The following SHISA5 variants were observed in gnomAD, a reference collection of about 807,000 sequenced individuals.
The protein encoded by SHISA5 is shisa family member 5, also known as protein shisa-5.
In SHISA5, 21 loss-of-function variants were observed where a neutral mutation model predicts 27.5. The observed-to-expected ratio is 0.76, with a 90% CI of 0.54 to 1.10. The LOEUF is 1.10. Ranked by LOEUF, SHISA5 falls within the 50% of genes least tolerant of loss-of-function variation. The pLI is 0.00. For synonymous variants in SHISA5, 137 were observed against 142.2 expected (o/e 0.96, Z 0.26); for missense variants, 314 against 336.3 (o/e 0.93, Z 0.52).
At chr3:48,487,216 T>C (rs1333070902) in intron 2 of SHISA5, among the ~76,000 whole-genome samples, 3 of 152,154 alleles carry the variant, frequency 2.0e-5, no homozygotes, top group African/African-American at 4.8e-5. Context: ...AAATTCCATA[T>C]ACCAATTTGA....
chr3:48,504,359 A>G (rs1363589272), upstream of SHISA5: 7 of 326,672 alleles, frequency 2.1e-5, no homozygotes, highest in Non-Finnish European at 3.9e-5. The surrounding 1 kb of genome is among the most constrained non-coding windows in gnomAD (Gnocchi z 4.0). Flanking sequence ...CTGCGCGAAA[A>G]CTTGGTACCG....
chr3:48,481,230 G>A (rs2040999864), intron 2 of SHISA5, among the ~76,000 whole-genome samples: 1 of 152,028 alleles, frequency 6.6e-6, no homozygotes, highest in African/African-American at 2.4e-5. Context: ...CATGAGGTCA[G>A]GAGTACAAGA....
chr3:48,487,142 ACACACTCC>A (rs1393725963), intron 2 of SHISA5, among the ~76,000 whole-genome samples: 3 of 151,676 alleles, frequency 2.0e-5, no homozygotes, highest in African/African-American at 4.8e-5. Flanking sequence ...ACACACACAC[ACACACTCC>A]CACACACTCC....
intron 2 of SHISA5, among the ~76,000 whole-genome samples, chr3:48,498,311 C>T (rs1278801908): frequency 6.6e-6 from 1 of 152,192 alleles, no homozygotes; most frequent in East Asian, 1.9e-4. Context: ...ACACAGATGT[C>T]TGCTTTCTCC....
At chr3:48,503,207 G>A (rs763373131) in intron 1 of SHISA5, 122 of 1,287,196 alleles carry the variant, frequency 9.5e-5, no homozygotes, top group Admixed American at 3.4e-4. Flanking sequence ...AAGACACACC[G>A]GTGAGGCTGT....
chr3:48,498,708 AAGAC>A (rs1473188873), intron 2 of SHISA5, among the ~76,000 whole-genome samples: 4 of 151,532 alleles, frequency 2.6e-5, no homozygotes, highest in Admixed American at 6.6e-5. Flanking sequence ...AAAAAAAAAA[AAGAC>A]AGAATGGAAA....
At position 48,468,752 on chromosome 3, in the gene SHISA5, G is replaced by A. The variant is rs1030606014; in HGVS notation, c.*355C>T. The A allele has an allele frequency of 8.1e-6, 11 of 1,364,266 alleles. No individual in the cohort carries two copies. The highest frequency in any genetic ancestry group is 9.6e-6 in the Non-Finnish European group (10 of 1,037,694). The allele number at this position is 1,364,266 out of a possible 1,614,324, so 84.5% of individuals were successfully genotyped here. A position where few individuals can be genotyped will look rare whatever the true frequency, so the allele number is the denominator to read the frequency against. On this transcript the variant is annotated 3_prime_UTR_variant, in exon 6 of 6. Coordinates refer to ENST00000296444, the MANE Select transcript of SHISA5 (RefSeq NM_016479.6). ...GCCCTACTTGGTCACCCTAGGGTAA[G>A]CTGGAGAAGAACTCCAGATGTGCCC...
At position 48,468,142 on chromosome 3, in the gene SHISA5, G is replaced by A. The variant is rs2040425406; in HGVS notation, c.*965C>T. The A allele has an allele frequency of 1.0e-6, 1 of 999,738 alleles. No homozygotes were observed. 61.9% of individuals were successfully genotyped at this position (999,738 alleles called of 1,614,324 possible). A position where few individuals can be genotyped will look rare whatever the true frequency, so the allele number is the denominator to read the frequency against. ...TCCATGAGGCTGGTGTCGGGAAGCA[G>A]GGACTCACAGTTGCCAGGTTGTCCA... On this transcript the variant is annotated 3_prime_UTR_variant, in exon 6 of 6. Coordinates refer to ENST00000296444, the MANE Select transcript of SHISA5 (RefSeq NM_016479.6).
At chr3:48,499,441 G>A (rs1220668402) in intron 2 of SHISA5, among the ~76,000 whole-genome samples, 5 of 152,016 alleles carry the variant, frequency 3.3e-5, no homozygotes, top group African/African-American at 1.2e-4. Flanking sequence ...CACTTTGGCA[G>A]GCCAAGATGG....
chr3:48,488,083 A>AT (rs1352278490), intron 2 of SHISA5, among the ~76,000 whole-genome samples: 1 of 152,148 alleles, frequency 6.6e-6, no homozygotes, highest in Admixed American at 6.5e-5. Flanking sequence ...AGACACTGAC[A>AT]TTAGAATAAC....
At chr3:48,501,086 T>G in intron 2 of SHISA5, 51 bp downstream of exon 2, 1 of 1,553,882 alleles carries the variant, frequency 6.4e-7, no homozygotes. Flanking sequence ...CATACTCTCC[T>G]GTGGGGCACA....
At chr3:48,471,521 C>A (rs1253066863) in intron 3 of SHISA5, among the ~76,000 whole-genome samples, 1 of 142,208 alleles carries the variant, frequency 7.0e-6, no homozygotes, top group Non-Finnish European at 1.5e-5. Context: ...CACCACTGCA[C>A]TCCAGCCTGG....
chr3:48,486,864 GA>G (rs1313451532), intron 2 of SHISA5, among the ~76,000 whole-genome samples: 7 of 149,780 alleles, frequency 4.7e-5, no homozygotes, highest in Admixed American at 2.0e-4. Flanking sequence ...AGGTTACAGT[GA>G]GCCGAGACTG....
intron 3 of SHISA5, among the ~76,000 whole-genome samples, chr3:48,471,138 C>T (rs532846855): frequency 6.6e-6 from 1 of 152,112 alleles, no homozygotes; most frequent in South Asian, 2.1e-4. Context: ...AGTGATTCTC[C>T]CACCTCAGCC....
chr3:48,469,006 G>A lies in SHISA5; in HGVS notation c.*101C>T. The A allele has an allele frequency of 2.5e-6, 4 of 1,600,466 alleles. No individual in the cohort carries two copies. Among genetic ancestry groups the A allele is most frequent in the Non-Finnish European group, 3.4e-6 (4 of 1,178,060 alleles). ...ACATGGGGCGTAAGGAACCGTGCCT[G>A]GACACACACAGCACACATGGGGCGT... On this transcript the variant is annotated 3_prime_UTR_variant, in exon 6 of 6. Transcript: ENST00000296444. The surrounding 1 kb of genome is among the most constrained non-coding windows in gnomAD (Gnocchi z 4.6).
rs2107299993 is a variant in SHISA5, at chr3:48,473,191, C to T, written c.315-3348G>A. ...AAGCCCCGTTCCACCCTCTTAAAGA[C>T]ACAGGATGGCCCCGCCCAGCAGCCG... On this transcript the variant is annotated intron_variant, in intron 3 of 5. Coordinates refer to ENST00000296444, the MANE Select transcript of SHISA5 (RefSeq NM_016479.6). The surrounding 1 kb of genome is among the most constrained non-coding windows in gnomAD (Gnocchi z 4.3). 1.4e-6 allele frequency: 2 copies of T among 1,434,150 alleles called. No individual in the cohort carries two copies. Among genetic ancestry groups the T allele is most frequent in the Non-Finnish European group, 1.8e-6 (2 of 1,097,510 alleles). 88.8% of individuals were successfully genotyped at this position (1,434,150 alleles called of 1,614,324 possible).
intron 2 of SHISA5, among the ~76,000 whole-genome samples, chr3:48,482,425 A>T (rs932609291): frequency 1.2e-4 from 19 of 152,262 alleles, no homozygotes; most frequent in Non-Finnish European, 2.2e-4. Flanking sequence ...AATAAATAAA[A>T]TAACATAATA....
chr3:48,491,047 T>C (rs1034123421), intron 2 of SHISA5, among the ~76,000 whole-genome samples: 15 of 152,170 alleles, frequency 9.9e-5, no homozygotes, highest in Non-Finnish European at 2.2e-4. Flanking sequence ...AATTCACTTA[T>C]AGGCTAGAAG....
rs749847577 is a variant in SHISA5 at position 48,469,122 on chromosome 3, C to T, written c.708G>A (p.Pro236=). 25 of 1,612,954 alleles carry T rather than the reference C, an allele frequency of 1.5e-5. No homozygotes were observed. Among genetic ancestry groups the T allele is most frequent in the African/African-American group, 1.3e-4 (10 of 74,908 alleles). ...PPYNPAYMDA[P]KAAL ...CAGGGAATGCTCAGAGGGCCGCCTTCGGGGCATCCATGTAGGCCGGGTTGT... is the reference window on the plus strand; with the variant it reads ...CAGGGAATGCTCAGAGGGCCGCCTTTGGGGCATCCATGTAGGCCGGGTTGT... Residue 236 remains proline (P), a synonymous_variant, in exon 6 of 6, where the codon CCG becomes CCA. Coordinates refer to ENST00000296444, the MANE Select transcript of SHISA5 (RefSeq NM_016479.6). The surrounding 1 kb of genome is among the most constrained non-coding windows in gnomAD (Gnocchi z 4.6).
Sources: allele counts gnomAD v4.1 joint callset (sites outside exome capture counted in the v4.1 genomes callset), GRCh38; gene constraint gnomAD v4.1.1; non-coding constraint Gnocchi (gnomAD v3.1); transcripts MANE v1.5; gene names NCBI Gene and HGNC (gene_info 2026-07-23, HGNC 2026-07-21).